Variants in HHAT observed in about 807,000 individuals in gnomAD.
HHAT encodes hedgehog acyltransferase.
A neutral mutation model predicts 70.8 loss-of-function variants in HHAT; 47 were observed. That is an observed-to-expected ratio of 0.66 (90% confidence interval 0.53 to 0.85). HHAT has a LOEUF of 0.85. Ranked by LOEUF, HHAT falls within the 40% of genes least tolerant of loss-of-function variation. HHAT has a pLI of 0.00. For missense variants in HHAT, 609 were observed against 604.8 expected (o/e 1.01, Z -0.07); for synonymous variants, 228 against 247.6 (o/e 0.92, Z 0.74).
intron 10 of HHAT, among the ~76,000 whole-genome samples, chr1:210,608,737 A>G (rs551414720): frequency 6.6e-6 from 1 of 152,164 alleles, no homozygotes; most frequent in East Asian, 1.9e-4. Context: ...TTTATTTCCT[A>G]GAGTCCTGGA....
chr1:210,634,628 C>T (rs1158042439), intron 11 of HHAT, among the ~76,000 whole-genome samples: 1 of 152,170 alleles, frequency 6.6e-6, no homozygotes, highest in African/African-American at 2.4e-5. Context: ...TAGAAGAAAC[C>T]AGCTAAGTTT....
chr1:210,351,186 G>A (rs2086986501), intron 2 of HHAT, among the ~76,000 whole-genome samples: 2 of 152,214 alleles, frequency 1.3e-5, no homozygotes, highest in South Asian at 4.1e-4. Flanking sequence ...CAGTCTGAGG[G>A]CAGGAGAGGA....
At chr1:210,515,592 C>G (rs2095040473) in intron 9 of HHAT, among the ~76,000 whole-genome samples, 1 of 151,428 alleles carries the variant, frequency 6.6e-6, no homozygotes, top group Non-Finnish European at 1.5e-5. Flanking sequence ...CCTGTCTCTA[C>G]TAAAAATACA....
At chr1:210,406,525 C>G (rs1161256869) in intron 6 of HHAT, among the ~76,000 whole-genome samples, 1 of 151,980 alleles carries the variant, frequency 6.6e-6, no homozygotes, top group East Asian at 1.9e-4. Context: ...TCCTGAGTAG[C>G]TGGATTACAG....
At chr1:210,535,144 C>A (rs1344573412) in intron 9 of HHAT, among the ~76,000 whole-genome samples, 1 of 152,170 alleles carries the variant, frequency 6.6e-6, no homozygotes, top group Non-Finnish European at 1.5e-5. Flanking sequence ...TGAATCCCAG[C>A]CCTGAGGAAG....
At chr1:210,492,083 C>T (rs1226379796) in intron 8 of HHAT, among the ~76,000 whole-genome samples, 4 of 152,110 alleles carry the variant, frequency 2.6e-5, no homozygotes, top group Admixed American at 2.6e-4. Flanking sequence ...TTCCTATAAG[C>T]TACTTTCTCT....
At chr1:210,369,035 G>A (rs929887478) in intron 3 of HHAT, among the ~76,000 whole-genome samples, 9 of 151,708 alleles carry the variant, frequency 5.9e-5, no homozygotes, top group Admixed American at 3.3e-4. Flanking sequence ...CCAAGCCTGC[G>A]CCATTGCACT....
At chr1:210,507,498 T>G (rs2148565562) in intron 8 of HHAT, among the ~76,000 whole-genome samples, 1 of 151,880 alleles carries the variant, frequency 6.6e-6, no homozygotes, top group African/African-American at 2.4e-5. Flanking sequence ...GCAGCTGGGA[T>G]TACAGGCACC....
At chr1:210,524,173 G>T (rs997245394) in intron 9 of HHAT, among the ~76,000 whole-genome samples, 28 of 152,224 alleles carry the variant, frequency 1.8e-4, no homozygotes, top group African/African-American at 6.5e-4. Context: ...TGTACAGCGT[G>T]TGCCTGTAGT....
chr1:210,361,681 A>T (rs549043255), intron 2 of HHAT, among the ~76,000 whole-genome samples: 1 of 151,260 alleles, frequency 6.6e-6, no homozygotes, highest in African/African-American at 2.4e-5. Flanking sequence ...AGGTTTTTAT[A>T]CTTTTGTTGA....
rs1680951125 is a variant in HHAT at position 210,675,460 on chromosome 1, T to C, written c.*1081T>C. On this transcript the variant is annotated 3_prime_UTR_variant, in exon 12 of 12. Coordinates refer to ENST00000261458, the MANE Select transcript of HHAT (RefSeq NM_018194.6). The stretch of plus-strand genomic sequence containing the variant: ...AGATAATTCAGAAGACTTGTTTGAA[T>C]TTGGATTTTTTTTTTTTTTGGAGTG... 1.6e-5 allele frequency: 2 copies of C among 123,618 alleles called. No homozygotes were observed. Among genetic ancestry groups the C allele is most frequent in the Non-Finnish European group, 3.7e-5 (2 of 53,408 alleles). The allele number at this position is 123,618 out of a possible 1,614,324, so 7.7% of individuals were successfully genotyped here. A position where few individuals can be genotyped will look rare whatever the true frequency, so the allele number is the denominator to read the frequency against.
In HHAT at chr1:210,484,601, A is replaced by G. The variant is rs1161826684; in HGVS notation, c.1007+19946A>G. Among the ~76,000 whole-genome samples, 6 of 151,720 alleles carry G rather than the reference A, an allele frequency of 4.0e-5. No individual in the cohort carries two copies. In the East Asian group the frequency reaches 1.2e-3, roughly 29 times the overall value. On this transcript the variant is annotated intron_variant, in intron 8 of 11. Coordinates refer to ENST00000261458, the MANE Select transcript of HHAT (RefSeq NM_018194.6). ...AAAATGTCCCCCTAGACTTAGTGTTATGGATTATTTTTGCCTGAGCCAGTT... is the reference window on the plus strand; with the variant it reads ...AAAATGTCCCCCTAGACTTAGTGTTGTGGATTATTTTTGCCTGAGCCAGTT...
chr1:210,328,285 A>G (rs2147887154), upstream of HHAT: 1 of 152,310 alleles, frequency 6.6e-6, no homozygotes, highest in East Asian at 1.9e-4. Context: ...TCCGAGCAGC[A>G]ACATCGTCCC....
At chr1:210,658,742 A>G (rs1290951655) in intron 11 of HHAT, among the ~76,000 whole-genome samples, 2 of 152,260 alleles carry the variant, frequency 1.3e-5, no homozygotes, top group African/African-American at 4.8e-5. Flanking sequence ...ACTGTCTCTC[A>G]GACCACAGTG....
intron 9 of HHAT, among the ~76,000 whole-genome samples, chr1:210,573,625 T>G (rs963840164): frequency 1.3e-5 from 2 of 152,220 alleles, no homozygotes; most frequent in African/African-American, 4.8e-5. Context: ...TGGTTAAATC[T>G]CCCTTTTCTT....
At chr1:210,644,602 C>CA (rs57190952) in intron 11 of HHAT, among the ~76,000 whole-genome samples, 9,894 of 63,668 alleles carry the variant, frequency 0.16, 972 homozygotes, top group Non-Finnish European at 0.17. Context: ...GACTCCATCT[C>CA]AAAAAAAAAA....
At chr1:210,439,598 T>G (rs192740162) in intron 7 of HHAT, 2 of 152,088 alleles carry the variant, frequency 1.3e-5, no homozygotes, top group African/African-American at 4.8e-5. Context: ...AGAAAAACCT[T>G]GTGGTTCTTT....
At chr1:210,487,804 T>G (rs2094495230) in intron 8 of HHAT, among the ~76,000 whole-genome samples, 1 of 152,206 alleles carries the variant, frequency 6.6e-6, no homozygotes, top group South Asian at 2.1e-4. Context: ...TAATGTTCAT[T>G]AGTAAAGGCA....
chr1:210,413,267 C>T (rs574038846), intron 6 of HHAT, among the ~76,000 whole-genome samples: 1 of 152,314 alleles, frequency 6.6e-6, no homozygotes, highest in Admixed American at 6.5e-5. Context: ...ACATTGAACA[C>T]AAATAGTTTT....
Sources: gnomAD v4.1 joint callset for allele counts (sites outside exome capture counted in the v4.1 genomes callset) on GRCh38, gnomAD v4.1.1 for gene constraint, MANE v1.5 for transcripts, NCBI Gene and HGNC (gene_info 2026-07-23, HGNC 2026-07-21) for gene names.